Variants in APOLD1 observed in about 807,000 individuals in gnomAD.
APOLD1 encodes the protein apolipoprotein L domain containing 1.
A neutral mutation model predicts 15.3 loss-of-function variants in APOLD1; 22 were observed. That is an observed-to-expected ratio of 1.44 (90% CI 1.03 to 2.05). The LOEUF (loss-of-function observed/expected upper bound fraction) is 2.05. Among genes scored for constraint, APOLD1 ranks in the 30% most tolerant of loss-of-function variants. The probability of loss-of-function intolerance (pLI) is 0.00; values close to 1 mark genes in which losing one functional copy is unlikely to be tolerated. For missense variants in APOLD1, 394 were observed against 353.5 expected, an observed-to-expected ratio of 1.11 and a Z score of -0.92; for synonymous variants, 190 against 167.4, an observed-to-expected ratio of 1.13 and a Z score of -1.04.
intron 1 of APOLD1, among the ~76,000 whole-genome samples, chr12:12,731,508 T>G (rs540910839): frequency 6.6e-6 from 1 of 152,254 alleles, no homozygotes; most frequent in South Asian, 2.1e-4. Context: ...AATGACAAAT[T>G]GGGAAAAATG....
chr12:12,741,790 C>T (rs193015954), intron 1 of APOLD1, among the ~76,000 whole-genome samples: 2 of 152,146 alleles, frequency 1.3e-5, no homozygotes, highest in Non-Finnish European at 2.9e-5. Flanking sequence ...TTCCTTTAAT[C>T]CTGAGATTAA....
At chr12:12,758,754 CCTT>C (rs1207988007) in intron 1 of APOLD1, among the ~76,000 whole-genome samples, 1 of 152,128 alleles carries the variant, frequency 6.6e-6, no homozygotes, top group Non-Finnish European at 1.5e-5. Context: ...ATTTCTTTTT[CCTT>C]CTTCACAGTG....
At chr12:12,732,203 A>C (rs555042480) in intron 1 of APOLD1, among the ~76,000 whole-genome samples, 1 of 152,318 alleles carries the variant, frequency 6.6e-6, no homozygotes, top group Non-Finnish European at 1.5e-5. Context: ...TAGTAGAGAG[A>C]AACTATGCTA....
intron 1 of APOLD1, among the ~76,000 whole-genome samples, chr12:12,785,952 A>G (rs1947120691): frequency 6.6e-6 from 1 of 152,184 alleles, no homozygotes; most frequent in African/African-American, 2.4e-5. Context: ...CTCTATTTCT[A>G]TGGCTCATTT....
rs1237697237 is a variant in APOLD1, at chr12:12,789,988, T to G, written c.*2336T>G. Reference sequence around the variant, plus strand: ...AGCTGGTGTCATCTCCTAGACTGTTTCACCCAGATGCTAGCATTTTTTTTT... The same window carrying G: ...AGCTGGTGTCATCTCCTAGACTGTTGCACCCAGATGCTAGCATTTTTTTTT... On this transcript the variant is annotated 3_prime_UTR_variant, in exon 2 of 2. Transcript: ENST00000356591. 2 of 152,122 alleles carry G rather than the reference T, an allele frequency of 1.3e-5. No homozygotes were observed. Among genetic ancestry groups the G allele is most frequent in the Non-Finnish European group, 2.9e-5 (2 of 68,052 alleles). The allele number at this position is 152,122 out of a possible 1,614,324, so 9.4% of individuals were successfully genotyped here.
At chr12:12,776,414 T>G (rs747680201) in intron 1 of APOLD1, among the ~76,000 whole-genome samples, 15 of 152,230 alleles carry the variant, frequency 9.9e-5, no homozygotes. Context: ...CCCAGTATCC[T>G]GGAAGATAAG....
rs1196163320 is a variant in APOLD1 at position 12,758,210 on chromosome 12, A to G, written c.97-28699A>G. Among the ~76,000 whole-genome samples the G allele has an allele frequency of 2.0e-5, 3 of 150,176 alleles. No individual in the cohort carries two copies. The East Asian group carries it at 6.0e-4, about 30-fold the overall frequency. On this transcript the variant is annotated intron_variant, in intron 1 of 1. Coordinates refer to the APOLD1 transcript ENST00000326765. The stretch of plus-strand genomic sequence containing the variant: ...CTTGGCCTCCCAAAGTGCTGGGATT[A>G]CAGGTGTGAACCACCACGCCTGAAC...
chr12:12,727,244 A>G (rs961460820), intron 1 of APOLD1, among the ~76,000 whole-genome samples: 2 of 152,236 alleles, frequency 1.3e-5, no homozygotes, highest in Non-Finnish European at 2.9e-5. Context: ...TCCAAGAATT[A>G]GTATGAAGAG....
intron 1 of APOLD1, among the ~76,000 whole-genome samples, chr12:12,776,912 C>A (rs917075590): frequency 2.0e-5 from 3 of 152,034 alleles, no homozygotes; most frequent in Non-Finnish European, 4.4e-5. Flanking sequence ...GACTAGCCAG[C>A]AATAACACAT....
intron 1 of APOLD1, among the ~76,000 whole-genome samples, chr12:12,727,993 G>T (rs1188252027): frequency 6.6e-6 from 1 of 151,600 alleles, no homozygotes; most frequent in Admixed American, 6.6e-5. Flanking sequence ...TTAAAGACAG[G>T]TCTCACTCTG....
rs1328705115 is a variant in APOLD1 at position 12,736,182 on chromosome 12, T to TGAAA, written c.96+10086_96+10087insGAAA. 2.0e-5 allele frequency among the ~76,000 whole-genome samples: 3 copies of TGAAA among 151,932 alleles called. No individual in the cohort carries two copies. In the East Asian group the frequency reaches 5.8e-4, roughly 29 times the overall value. On this transcript the variant is annotated intron_variant, in intron 1 of 1. Transcript: ENST00000326765. ...CTGGCCAGCCTGGTGAAACCCCGTCTCTACTAAAAATACAAAAAATTAGGT... is the reference window on the plus strand; with the variant it reads ...CTGGCCAGCCTGGTGAAACCCCGTCTGAAACTACTAAAAATACAAAAAATTAGGT...
upstream of APOLD1, among the ~76,000 whole-genome samples, chr12:12,783,619 GGTTTTTTTTT>G (rs1399497090): frequency 4.2e-5 from 6 of 143,262 alleles, no homozygotes; most frequent in African/African-American, 7.8e-5. Flanking sequence ...GGCCCCAGTT[GGTTTTTTTTT>G]GTTTTTTTTT....
intron 1 of APOLD1, among the ~76,000 whole-genome samples, chr12:12,777,896 T>TG (rs1947048369): frequency 1.6e-4 from 2 of 12,568 alleles, no homozygotes; most frequent in African/African-American, 3.1e-4. Flanking sequence ...GGTGTTTTTT[T>TG]TTTTTTTTTT....
chr12:12,728,665 CAAAAAAAA>C (rs58877184), intron 1 of APOLD1, among the ~76,000 whole-genome samples: 32 of 62,842 alleles, frequency 5.1e-4, no homozygotes, highest in Admixed American at 9.8e-4. Flanking sequence ...GACCCTGTCT[CAAAAAAAA>C]AAAAAAAAAA....
intron 1 of APOLD1, among the ~76,000 whole-genome samples, chr12:12,770,151 T>A (rs1392867818): frequency 6.6e-6 from 1 of 152,202 alleles, no homozygotes. Flanking sequence ...GGCTCACGTC[T>A]GTAATCCCAG....
chr12:12,732,047 T>C (rs1313831516), intron 1 of APOLD1, among the ~76,000 whole-genome samples: 2 of 152,228 alleles, frequency 1.3e-5, no homozygotes, highest in Non-Finnish European at 2.9e-5. Flanking sequence ...CATCCATTCC[T>C]GCTTTTAAGT....
chr12:12,726,021 C>T (rs1265928208), exon 1 of APOLD1: 1 of 1,526,304 alleles, frequency 6.6e-7, no homozygotes, highest in African/African-American at 1.4e-5. Context: ...CGCCGTGTCA[C>T]CGGCTGCGGG....
chr12:12,726,116 G>C, intron 1 of APOLD1: 1 of 1,394,602 alleles, frequency 7.2e-7, no homozygotes, highest in African/African-American at 1.6e-5. Context: ...GGGAGTGCGG[G>C]AGGGTGGAGG....
chr12:12,762,827 G>A (rs1419093083), intron 1 of APOLD1, among the ~76,000 whole-genome samples: 1 of 152,090 alleles, frequency 6.6e-6, no homozygotes, highest in Non-Finnish European at 1.5e-5. Context: ...TGACTAGCAT[G>A]ATGTTTTGAG....
Sources: gnomAD v4.1 joint callset for allele counts (sites outside exome capture counted in the v4.1 genomes callset) on GRCh38, gnomAD v4.1.1 for gene constraint, MANE v1.5 for transcripts, NCBI Gene and HGNC (gene_info 2026-07-23, HGNC 2026-07-21) for gene names.